The following KCNMB4 variants were observed in gnomAD, a reference collection of about 807,000 sequenced individuals.
KCNMB4 encodes the protein calcium-activated potassium channel subunit beta-4.
In KCNMB4, 3 loss-of-function variants were observed where a neutral mutation model predicts 20.7. The ratio of observed to expected loss-of-function variants is 0.14; its 90% CI spans 0.07 to 0.37. KCNMB4 has a LOEUF of 0.37. KCNMB4 is among the 10% of genes least tolerant of loss of function. The pLI is 1.00. For missense variants in KCNMB4, 168 were observed against 265.9 expected, an observed-to-expected ratio of 0.63 and a Z score of 2.56; for synonymous variants, 110 against 113.4, an observed-to-expected ratio of 0.97 and a Z score of 0.19.
chr12:70,366,645 C>G lies in KCNMB4; in HGVS notation c.-90C>G. On this transcript the variant is annotated 5_prime_UTR_variant, in exon 1 of 3. Coordinates refer to ENST00000258111, the MANE Select transcript of KCNMB4 (RefSeq NM_014505.6). Reference sequence around the variant, plus strand: ...TGTCGCGCGGCGGCGGCGGTGGCGGCGGCGGCTCCTCCCGCCCGAGGCAGT... The same window carrying G: ...TGTCGCGCGGCGGCGGCGGTGGCGGGGGCGGCTCCTCCCGCCCGAGGCAGT... 4.2e-6 allele frequency: 4 copies of G among 941,770 alleles called. No individual in the cohort carries two copies. Among genetic ancestry groups the G allele is most frequent in the East Asian group, 4.3e-5 (1 of 23,288 alleles). 58.3% of individuals were successfully genotyped at this position (941,770 alleles called of 1,614,324 possible).
intron 1 of KCNMB4, among the ~76,000 whole-genome samples, chr12:70,387,636 A>C (rs79842959): frequency 6.6e-6 from 1 of 151,730 alleles, no homozygotes; most frequent in Non-Finnish European, 1.5e-5. Context: ...TCCTGACCTC[A>C]AGTCAGCCAC....
At chr12:70,404,617 A>G (rs972095568) in intron 2 of KCNMB4, among the ~76,000 whole-genome samples, 4 of 152,238 alleles carry the variant, frequency 2.6e-5, no homozygotes, top group Non-Finnish European at 1.5e-5. Flanking sequence ...ATAAACGAGA[A>G]TAGTGGTGGT....
intron 1 of KCNMB4, among the ~76,000 whole-genome samples, chr12:70,383,720 A>G (rs1006335142): frequency 2.0e-5 from 3 of 152,122 alleles, no homozygotes; most frequent in African/African-American, 4.8e-5. Flanking sequence ...CTGTCTTCAC[A>G]TGGCCTTTTT....
intron 1 of KCNMB4, among the ~76,000 whole-genome samples, chr12:70,382,181 C>T: frequency 6.6e-6 from 1 of 151,776 alleles, no homozygotes; most frequent in Non-Finnish European, 1.5e-5. Flanking sequence ...CGCGGTGGCT[C>T]ACGCCTGTAA....
At chr12:70,401,891 T>C (rs987041823) in intron 2 of KCNMB4, among the ~76,000 whole-genome samples, 1 of 152,146 alleles carries the variant, frequency 6.6e-6, no homozygotes, top group Admixed American at 6.5e-5. Context: ...GGAATTTGAA[T>C]AATATCACTT....
intron 1 of KCNMB4, 39 bp downstream of exon 1, chr12:70,367,109 G>A (rs1883508915): frequency 1.4e-6 from 2 of 1,457,306 alleles, no homozygotes. Context: ...CCCCGCGAGG[G>A]AGGTTTGGAG....
intron 2 of KCNMB4, among the ~76,000 whole-genome samples, chr12:70,406,025 C>T (rs972813656): frequency 1.7e-4 from 26 of 152,226 alleles, no homozygotes; most frequent in African/African-American, 6.3e-4. Flanking sequence ...AAGCCAGACA[C>T]AAAAAGGCAA....
chr12:70,418,627 A>G (rs1419110683), intron 2 of KCNMB4, among the ~76,000 whole-genome samples: 1 of 152,026 alleles, frequency 6.6e-6, no homozygotes, highest in African/African-American at 2.4e-5. Context: ...TAATCCTTCC[A>G]GAGTTTGTTG....
At chr12:70,429,000 T>G (rs1486509344) in intron 2 of KCNMB4, among the ~76,000 whole-genome samples, 1 of 152,244 alleles carries the variant, frequency 6.6e-6, no homozygotes, top group Non-Finnish European at 1.5e-5. Flanking sequence ...GAAATTACAC[T>G]GTGCATCAAA....
At chr12:70,374,737 G>GA (rs1002460056) in intron 1 of KCNMB4, among the ~76,000 whole-genome samples, 2 of 152,060 alleles carry the variant, frequency 1.3e-5, no homozygotes, top group African/African-American at 4.8e-5. Flanking sequence ...AAGCACATGT[G>GA]AAAAAATATC....
intron 2 of KCNMB4, among the ~76,000 whole-genome samples, chr12:70,400,640 T>C (rs1868424913): frequency 6.6e-6 from 1 of 152,234 alleles, no homozygotes; most frequent in South Asian, 2.1e-4. Context: ...CCAGCACTTT[T>C]AGACTGCATC....
chr12:70,390,144 AC>A (rs1364703863), intron 1 of KCNMB4, among the ~76,000 whole-genome samples: 7 of 151,764 alleles, frequency 4.6e-5, no homozygotes, highest in Non-Finnish European at 8.8e-5. Flanking sequence ...GGCTTTAAGA[AC>A]CTCCTGGCAC....
Position 70,374,509 on chromosome 12 carries a change from CAT to C in KCNMB4, c.336+7441_336+7442del, listed in dbSNP as rs1883652718. ...TGAGCCTTAGGTATTCTCTACAACA[CAT>C]AAATTAATGTGTAAAAAATTGTACT... is the stretch of plus-strand genomic sequence containing the variant. On this transcript the variant is annotated intron_variant, in intron 1 of 2. Coordinates refer to ENST00000258111, the MANE Select transcript of KCNMB4 (RefSeq NM_014505.6). Among the ~76,000 whole-genome samples the C allele has an allele frequency of 2.6e-5, 4 of 152,166 alleles. No individual in the cohort carries two copies. In the South Asian group the frequency reaches 8.3e-4, roughly 32 times the overall value.
intron 2 of KCNMB4, among the ~76,000 whole-genome samples, chr12:70,405,043 C>T (rs1162377535): frequency 1.3e-5 from 2 of 152,064 alleles, no homozygotes; most frequent in Admixed American, 6.6e-5. Flanking sequence ...CAAATAAGAA[C>T]GTCTTAAAAG....
intron 2 of KCNMB4, among the ~76,000 whole-genome samples, chr12:70,401,355 C>T (rs1264372609): frequency 6.7e-6 from 1 of 149,944 alleles, no homozygotes; most frequent in African/African-American, 2.5e-5. Flanking sequence ...TGTATCATGA[C>T]TCTTCTCTGC....
intron 1 of KCNMB4, among the ~76,000 whole-genome samples, chr12:70,372,882 A>G (rs146117945): frequency 1.6e-4 from 24 of 152,350 alleles, no homozygotes; most frequent in East Asian, 5.8e-4. Flanking sequence ...AGCATTTGCT[A>G]TAAGTCCGAG....
At chr12:70,381,616 C>CA (rs1010697947) in intron 1 of KCNMB4, among the ~76,000 whole-genome samples, 7 of 151,822 alleles carry the variant, frequency 4.6e-5, no homozygotes, top group African/African-American at 1.2e-4. Flanking sequence ...AAGCCAGCCA[C>CA]AAAAAAACAC....
At chr12:70,401,610 C>T (rs1292153012) in intron 2 of KCNMB4, among the ~76,000 whole-genome samples, 1 of 151,052 alleles carries the variant, frequency 6.6e-6, no homozygotes, top group Admixed American at 6.6e-5. Flanking sequence ...CCACCCTAAA[C>T]GTAGTGGCTT....
intron 2 of KCNMB4, among the ~76,000 whole-genome samples, chr12:70,405,798 G>T (rs1260156475): frequency 6.6e-6 from 1 of 152,138 alleles, no homozygotes; most frequent in Non-Finnish European, 1.5e-5. Flanking sequence ...AGGCGCAATG[G>T]TGATACCTGG....
Sources: gnomAD v4.1 joint callset for allele counts (sites outside exome capture counted in the v4.1 genomes callset) on GRCh38, gnomAD v4.1.1 for gene constraint, MANE v1.5 for transcripts, NCBI Gene and HGNC (gene_info 2026-07-23, HGNC 2026-07-21) for gene names.